MCM3: variants seen among roughly 807,000 people sequenced by gnomAD.
MCM3 encodes DNA replication licensing factor MCM3.
MCM3 carries 59 observed loss-of-function variants against 91.3 expected under a neutral mutation model. That is an observed-to-expected ratio of 0.65 (90% CI 0.52 to 0.80). The LOEUF (loss-of-function observed/expected upper bound fraction) is 0.80. Ranked by LOEUF, MCM3 falls within the 30% of genes least tolerant of loss-of-function variation. The probability of loss-of-function intolerance (pLI) is 0.00; values close to 1 mark genes in which losing one functional copy is unlikely to be tolerated. For synonymous variants in MCM3, 383 were observed against 379.6 expected, an observed-to-expected ratio of 1.01 and a Z score of -0.10; for missense variants, 919 against 1,035.4, an observed-to-expected ratio of 0.89 and a Z score of 1.54.
In MCM3 at chr6:52,278,809, T is replaced by C. The variant is rs1765806019; in HGVS notation, c.812A>G (p.Asp271Gly). The C allele has an allele frequency of 6.2e-7, 1 of 1,613,836 alleles. No homozygotes were observed. The highest frequency in any genetic ancestry group is 8.5e-7 in the Non-Finnish European group (1 of 1,179,874). ...CTCAGCAGAGAAAGAGGGCTGAGCA[T>C]CCTTGCTCATCTGCTTAACATTACA... ...IACNVKQMSK[D>G]AQPSFSAEDI... The change falls in exon 6 of 17, where the codon GAT becomes GGT. Residue 271 changes from aspartate to glycine, a missense_variant. Coordinates refer to ENST00000596288, the MANE Select transcript of MCM3 (RefSeq NM_002388.6).
chr6:52,284,622 T>A lies in MCM3; in HGVS notation c.53A>T (p.Asp18Val). The change falls in exon 1 of 17, where the codon GAT becomes GTT. Residue 18 changes from aspartate (D) to valine (V), a missense_variant. Physicochemically the swap from Asp to Val is radical, Grantham distance 152. Transcript: ENST00000596288. ...CTCGTCGTCCAGGAAGTCCAGGTAATCTCTCTGAGCCTCCCGCAGCTCCAC... is the reference window on the plus strand; with the variant it reads ...CTCGTCGTCCAGGAAGTCCAGGTAAACTCTCTGAGCCTCCCGCAGCTCCAC... ...DDVELREAQR[D>V]YLDFLDDEED... 1 of 1,608,464 alleles carries A rather than the reference T, an allele frequency of 6.2e-7. No homozygotes were observed.
intron 8 of MCM3, among the ~76,000 whole-genome samples, chr6:52,276,728 C>A (rs1373597630): frequency 2.0e-5 from 3 of 152,214 alleles, no homozygotes; most frequent in Non-Finnish European, 4.4e-5. Flanking sequence ...TTCATAGATT[C>A]TCTCTTCGGC....
chr6:52,266,233 ATC>A (rs1396183243), intron 15 of MCM3, 89 bp from the exon 16 acceptor site: 8 of 966,448 alleles, frequency 8.3e-6, no homozygotes, highest in Non-Finnish European at 1.4e-5. Flanking sequence ...TCCACTCCCA[ATC>A]TCTCACTCAG....
At chr6:52,266,758 C>G (rs1764674896) in intron 14 of MCM3, 62 bp from the exon 15 acceptor site, 1 of 1,201,730 alleles carries the variant, frequency 8.3e-7, no homozygotes, top group African/African-American at 1.5e-5. Context: ...CAAGGAAGCC[C>G]CATCACGTGC....
chr6:52,269,358 T>A, intron 12 of MCM3, 132 bp from the exon 13 acceptor site: 1 of 732,214 alleles, frequency 1.4e-6, no homozygotes, highest in Non-Finnish European at 2.2e-6. Flanking sequence ...GAGTTCTGTG[T>A]TCTCTACAGA....
chr6:52,264,324 G>A lies in MCM3; in HGVS notation c.*264C>T, dbSNP rs530063598. ...GTTTGTGTGGGATGGGAAGTAGGGCGGATGAGCCAGTGCTTTTGCAATGAA... is the reference window on the plus strand; with the variant it reads ...GTTTGTGTGGGATGGGAAGTAGGGCAGATGAGCCAGTGCTTTTGCAATGAA... On this transcript the variant is annotated 3_prime_UTR_variant, in exon 17 of 17. Transcript: ENST00000596288. 1.6e-5 allele frequency: 7 copies of A among 428,084 alleles called. No individual in the cohort carries two copies. The highest frequency in any genetic ancestry group is 5.3e-5 in the South Asian group (2 of 37,424). The allele number at this position is 428,084 out of a possible 1,614,324, so 26.5% of individuals were successfully genotyped here.
At chr6:52,279,628 T>C in intron 4 of MCM3, 29 bp from the exon 5 acceptor site, 6 of 1,506,972 alleles carry the variant, frequency 4.0e-6, no homozygotes, top group Non-Finnish European at 5.5e-6. Flanking sequence ...AGGGACAGAG[T>C]GATCTCCGTC....
chr6:52,272,799 T>C (rs1457984770), intron 11 of MCM3, among the ~76,000 whole-genome samples: 1 of 152,194 alleles, frequency 6.6e-6, no homozygotes, highest in African/African-American at 2.4e-5. Context: ...TGCTTCTTAC[T>C]GCATCATGGC....
intron 10 of MCM3, 98 bp downstream of exon 10, chr6:52,273,644 G>A (rs1487578045): frequency 7.8e-7 from 1 of 1,289,448 alleles, no homozygotes; most frequent in Non-Finnish European, 1.1e-6. Flanking sequence ...CATCAACCCG[G>A]ACACTGAAAC....
intron 16 of MCM3, 147 bp downstream of exon 16, chr6:52,265,928 A>T: frequency 1.8e-6 from 1 of 570,360 alleles, no homozygotes; most frequent in Non-Finnish European, 3.1e-6. Context: ...ATTAAATGAG[A>T]ATATAAAATG....
At chr6:52,268,053 A>G in intron 13 of MCM3, 85 bp from the exon 14 acceptor site, 2 of 1,595,984 alleles carry the variant, frequency 1.3e-6, no homozygotes, top group South Asian at 1.1e-5. Context: ...CTTCTGCATC[A>G]TAAGCAGGAA....
Position 52,282,800 on chromosome 6 carries a change from C to T in MCM3, c.253G>A (p.Ala85Thr), listed in dbSNP as rs1766230814. ...AFQRALKDFV[A>T]SIDATYAKQY... ...TTGGCATAGGTAGCATCAATGGAGG[C>T]CACAAAATCCTTTAAGGCCCGCTGG... The change falls in exon 3 of 17, where the codon GCC becomes ACC. Residue 85 changes from alanine to threonine, a missense_variant. By Grantham distance (58) the Ala-to-Thr change is moderately conservative. Transcript: ENST00000596288. 10 of 1,614,072 alleles carry T rather than the reference C, an allele frequency of 6.2e-6. No individual in the cohort carries two copies. The South Asian group carries it at 7.7e-5, about 12-fold the overall frequency.
In MCM3 at chr6:52,278,822, G is replaced by A; in HGVS notation, c.799C>T (p.Gln267Ter). Residue 267 changes from glutamine (Q) to a stop codon, truncating the protein, a stop_gained, in exon 6 of 17, where the codon CAG becomes TAG. Coordinates refer to ENST00000596288, the MANE Select transcript of MCM3 (RefSeq NM_002388.6). LOFTEE classifies it high-confidence loss of function. ...RTVLIACNVK[Q>*]MSKDAQPSFS... Reference sequence around the variant, plus strand: ...GAGGGCTGAGCATCCTTGCTCATCTGCTTAACATTACAGGCAATCAGGACA... The same window carrying A: ...GAGGGCTGAGCATCCTTGCTCATCTACTTAACATTACAGGCAATCAGGACA... The A allele has an allele frequency of 6.2e-7, 1 of 1,613,576 alleles. No individual in the cohort carries two copies. The highest frequency in any genetic ancestry group is 8.5e-7 in the Non-Finnish European group (1 of 1,179,606).
intron 12 of MCM3, among the ~76,000 whole-genome samples, chr6:52,271,973 A>G (rs1765175014): frequency 6.6e-6 from 1 of 152,166 alleles, no homozygotes; most frequent in African/African-American, 2.4e-5. Context: ...TCCGGATCTG[A>G]GCTCTTTGAA....
chr6:52,276,551 T>G, intron 8 of MCM3, 75 bp from the exon 9 acceptor site: 7 of 1,238,936 alleles, frequency 5.7e-6, no homozygotes, highest in Non-Finnish European at 7.9e-6. Flanking sequence ...TTCAATCTCC[T>G]TCCTAGGAAT....
rs778191328 is a variant in MCM3 at position 52,276,445 on chromosome 6, G to A, written c.1197C>T (p.Val399=). The change falls in exon 9 of 17, where the codon GTC becomes GTT. Residue 399 remains valine (V), a synonymous_variant. Transcript: ENST00000596288. ...GERRLEAGAM[V]LADRGVVCID... ...TGCAAACCACGCCTCGGTCAGCCAG[G>A]ACCATGGCCCCTGCTTCCAGACGGC... 9 of 1,614,198 alleles carry A rather than the reference G, an allele frequency of 5.6e-6. No individual in the cohort carries two copies.
At chr6:52,282,917 T>C in intron 2 of MCM3, 56 bp from the exon 3 acceptor site, 5 of 1,246,378 alleles carry the variant, frequency 4.0e-6, no homozygotes, top group Non-Finnish European at 2.3e-6. Flanking sequence ...AAAAAATGGA[T>C]CCTCAAAACA....
chr6:52,274,256 T>C (rs1341882421), intron 9 of MCM3, among the ~76,000 whole-genome samples: 1 of 152,156 alleles, frequency 6.6e-6, no homozygotes. Context: ...AGATGATCCC[T>C]TTCCCCTACC....
chr6:52,264,615 C>T lies in MCM3; in HGVS notation c.2400G>A (p.Val800=). The part of the protein sequence containing the change: ...SKMQDDNQVM[V]SEGIIFLI ...AGATGAGGAAGATGATGCCCTCAGA[C>T]ACCATGACCTGATTGTCATCCTGCA... is the stretch of plus-strand genomic sequence containing the variant. Residue 800 remains valine, a synonymous_variant, in exon 17 of 17, where the codon GTG becomes GTA. Transcript: ENST00000596288. 6.2e-7 allele frequency: 1 copy of T among 1,614,218 alleles called. No individual in the cohort carries two copies. Among genetic ancestry groups the T allele is most frequent in the Admixed American group, 1.7e-5 (1 of 60,030 alleles).
Sources: allele counts gnomAD v4.1 joint callset (sites outside exome capture counted in the v4.1 genomes callset), GRCh38; gene constraint gnomAD v4.1.1; transcripts MANE v1.5; gene names NCBI Gene and HGNC (gene_info 2026-07-23, HGNC 2026-07-21).